DOCK3: variants seen among roughly 807,000 people sequenced by gnomAD.
The protein encoded by DOCK3 is dedicator of cytokinesis protein 3.
A neutral mutation model predicts 265.6 loss-of-function variants in DOCK3; 60 were observed. The observed-to-expected ratio is 0.23, with a 90% CI of 0.18 to 0.28. The LOEUF (loss-of-function observed/expected upper bound fraction) is 0.28. DOCK3 is among the 10% of genes least tolerant of loss of function. The probability of loss-of-function intolerance (pLI) is 1.00; values close to 1 mark genes in which losing one functional copy is unlikely to be tolerated. For missense variants in DOCK3, 1,981 were observed against 2,594.3 expected (o/e 0.76, Z 5.14); for synonymous variants, 881 against 938.0 (o/e 0.94, Z 1.11).
chr3:50,977,984 TTCAGCTCCA>T (rs1328522855), intron 5 of DOCK3, among the ~76,000 whole-genome samples: 7 of 152,242 alleles, frequency 4.6e-5, no homozygotes, highest in African/African-American at 1.4e-4. Flanking sequence ...AGCCTTGGTT[TTCAGCTCCA>T]TCAGCTCCTT....
At chr3:51,009,893 AGCAG>A (rs2078872216) in intron 5 of DOCK3, among the ~76,000 whole-genome samples, 1 of 152,182 alleles carries the variant, frequency 6.6e-6, no homozygotes, top group South Asian at 2.1e-4. Flanking sequence ...GTCATTCAGG[AGCAG>A]GTTGTTCAGT....
At chr3:50,826,181 T>C (rs901438728) in intron 2 of DOCK3, among the ~76,000 whole-genome samples, 17 of 152,148 alleles carry the variant, frequency 1.1e-4, no homozygotes, top group Admixed American at 1.0e-3. Flanking sequence ...AAGCCTTTTT[T>C]TTTTTCCTTG....
At chr3:51,168,523 A>G (rs898486264) in intron 12 of DOCK3, among the ~76,000 whole-genome samples, 2 of 152,250 alleles carry the variant, frequency 1.3e-5, no homozygotes, top group Non-Finnish European at 2.9e-5. Context: ...TGACACTGGG[A>G]TAACTTTCTA....
intron 49 of DOCK3, among the ~76,000 whole-genome samples, chr3:51,368,448 C>T (rs1027564552): frequency 4.6e-5 from 7 of 152,200 alleles, no homozygotes; most frequent in African/African-American, 1.7e-4. Context: ...CATGGAGCCT[C>T]TCTCACTGCT....
At chr3:51,227,158 C>T in intron 15 of DOCK3, 125 bp from the exon 16 acceptor site, 1 of 1,007,832 alleles carries the variant, frequency 9.9e-7, no homozygotes, top group Non-Finnish European at 1.5e-6. Context: ...ATTTTCTTAT[C>T]TCATAGATTT....
At chr3:50,944,873 T>A (rs909412582) in intron 5 of DOCK3, among the ~76,000 whole-genome samples, 1 of 152,232 alleles carries the variant, frequency 6.6e-6, no homozygotes, top group South Asian at 2.1e-4. Context: ...GGCAGGAGAA[T>A]TGCTTGAACC....
At chr3:51,368,813 G>A (rs1029193079) in intron 49 of DOCK3, among the ~76,000 whole-genome samples, 7 of 152,210 alleles carry the variant, frequency 4.6e-5, no homozygotes, top group African/African-American at 1.4e-4. Context: ...CCAGTAGGGG[G>A]CGACTGACAC....
intron 1 of DOCK3, among the ~76,000 whole-genome samples, chr3:50,753,301 G>T (rs777566538): frequency 1.3e-5 from 2 of 151,972 alleles, no homozygotes; most frequent in Non-Finnish European, 2.9e-5. Context: ...ATACCTTTTC[G>T]TATAAATAGA....
chr3:51,071,326 A>G (rs1290836242), intron 6 of DOCK3, among the ~76,000 whole-genome samples: 1 of 152,196 alleles, frequency 6.6e-6, no homozygotes, highest in Admixed American at 6.5e-5. Context: ...ATGATGGGTG[A>G]GAGAAGACCA....
chr3:50,713,855 A>G (rs1400490256), intron 1 of DOCK3, among the ~76,000 whole-genome samples: 6 of 152,174 alleles, frequency 3.9e-5, no homozygotes, highest in Non-Finnish European at 7.3e-5. Context: ...ACAATTTTGC[A>G]AGTCCATATT....
chr3:50,762,756 A>G (rs1423978435), intron 1 of DOCK3, among the ~76,000 whole-genome samples: 1 of 151,996 alleles, frequency 6.6e-6, no homozygotes, highest in Non-Finnish European at 1.5e-5. Flanking sequence ...ATTTTGTCAA[A>G]TGTTATTTCT....
chr3:51,049,191 T>C (rs1184619527), intron 5 of DOCK3, among the ~76,000 whole-genome samples: 1 of 151,992 alleles, frequency 6.6e-6, no homozygotes, highest in Admixed American at 6.6e-5. Flanking sequence ...CCAGGCATGG[T>C]GATGCATGCG....
intron 2 of DOCK3, among the ~76,000 whole-genome samples, chr3:50,798,272 A>G (rs1000676510): frequency 6.6e-6 from 1 of 152,260 alleles, no homozygotes; most frequent in Non-Finnish European, 1.5e-5. Context: ...AGGTCTCGCT[A>G]TGGAATGGTC....
intron 4 of DOCK3, among the ~76,000 whole-genome samples, chr3:50,911,734 G>A (rs946565879): frequency 3.3e-5 from 5 of 151,994 alleles, no homozygotes; most frequent in African/African-American, 1.2e-4. Flanking sequence ...AAGAAAGAGA[G>A]ATTGCATGGA....
intron 4 of DOCK3, chr3:50,901,693 A>C: frequency 2.2e-6 from 1 of 454,180 alleles, no homozygotes; most frequent in Non-Finnish European, 4.4e-6. Context: ...CTCAAGGCAC[A>C]GTCCCTCATG....
At chr3:51,228,133 G>A in intron 17 of DOCK3, 45 bp downstream of exon 17, 2 of 1,583,880 alleles carry the variant, frequency 1.3e-6, no homozygotes, top group Non-Finnish European at 1.7e-6. Flanking sequence ...TACCTGCCCT[G>A]AGGCCACTCT....
chr3:50,903,216 G>A (rs1443116066), intron 4 of DOCK3, among the ~76,000 whole-genome samples: 1 of 152,180 alleles, frequency 6.6e-6, no homozygotes, highest in African/African-American at 2.4e-5. Flanking sequence ...AATAGGAGTG[G>A]TGAGAGAGGG....
intron 3 of DOCK3, among the ~76,000 whole-genome samples, chr3:50,845,229 A>T (rs1363010528): frequency 6.6e-6 from 1 of 152,212 alleles, no homozygotes; most frequent in Non-Finnish European, 1.5e-5. Flanking sequence ...CCAAACAAAA[A>T]AACTTAAGAG....
chr3:50,993,609 C>CCATAT (rs890315829), intron 5 of DOCK3, among the ~76,000 whole-genome samples: 1 of 152,184 alleles, frequency 6.6e-6, no homozygotes, highest in African/African-American at 2.4e-5. Flanking sequence ...CATGAGAAAT[C>CCATAT]CATATGAACT....
Sources: gnomAD v4.1 joint callset for allele counts (sites outside exome capture counted in the v4.1 genomes callset) on GRCh38, gnomAD v4.1.1 for gene constraint, MANE v1.5 for transcripts, NCBI Gene and HGNC (gene_info 2026-07-23, HGNC 2026-07-21) for gene names.